PCDH9: variants seen among roughly 807,000 people sequenced by gnomAD.
PCDH9 encodes protocadherin 9.
A neutral mutation model predicts 70.6 loss-of-function variants in PCDH9; 24 were observed. The ratio of observed to expected loss-of-function variants is 0.34; its 90% CI spans 0.25 to 0.48. PCDH9 has a LOEUF of 0.48. PCDH9 is among the 20% of genes least tolerant of loss of function. The probability of loss-of-function intolerance (pLI) is 0.99; values close to 1 mark genes in which losing one functional copy is unlikely to be tolerated. For missense variants in PCDH9, 1,281 were observed against 1,503.6 expected (o/e 0.85, Z 2.45); for synonymous variants, 562 against 558.5 (o/e 1.01, Z -0.09).
chr13:66,759,248 T>A (rs2079584608), intron 3 of PCDH9, among the ~76,000 whole-genome samples: 1 of 152,076 alleles, frequency 6.6e-6, no homozygotes, highest in Admixed American at 6.6e-5. Flanking sequence ...ATGACCTTTG[T>A]TTCATTTTAC....
At chr13:66,333,832 G>A (rs1463482768) in intron 4 of PCDH9, among the ~76,000 whole-genome samples, 1 of 152,092 alleles carries the variant, frequency 6.6e-6, no homozygotes, top group African/African-American at 2.4e-5. Flanking sequence ...CAACTTGTTA[G>A]GCCATGGGAT....
chr13:66,881,168 A>T (rs892877474), intron 3 of PCDH9, among the ~76,000 whole-genome samples: 1 of 152,242 alleles, frequency 6.6e-6, no homozygotes, highest in Non-Finnish European at 1.5e-5. Flanking sequence ...GTGAAATATT[A>T]TAACTTGCAG....
At chr13:66,689,627 C>A (rs2139080239) in intron 3 of PCDH9, among the ~76,000 whole-genome samples, 1 of 152,238 alleles carries the variant, frequency 6.6e-6, no homozygotes, top group South Asian at 2.1e-4. Flanking sequence ...AATGAATTTC[C>A]ATTGACAGAG....
chr13:66,412,294 T>C (rs894738661), intron 4 of PCDH9, among the ~76,000 whole-genome samples: 1 of 152,206 alleles, frequency 6.6e-6, no homozygotes, highest in Non-Finnish European at 1.5e-5. Flanking sequence ...TCTAAGCAGC[T>C]GGGACTACAG....
chr13:66,457,714 G>A lies in PCDH9; in HGVS notation c.3341-152686C>T, dbSNP rs191604247. On this transcript the variant is annotated intron_variant, in intron 4 of 4. Coordinates refer to ENST00000377865, the MANE Select transcript of PCDH9 (RefSeq NM_203487.3). The stretch of plus-strand genomic sequence containing the variant: ...AATTACAGCAAAGTTGGCAACCACT[G>A]AGTTATGTTGGGTCATTTTTTATGT... Among the ~76,000 whole-genome samples the A allele has an allele frequency of 4.6e-3, 700 of 152,116 alleles. 5 individuals carry two copies. The highest frequency in any genetic ancestry group is 7.8e-3 in the Admixed American group (119 of 15,240).
intron 4 of PCDH9, among the ~76,000 whole-genome samples, chr13:66,533,133 G>C: frequency 6.6e-6 from 1 of 152,102 alleles, no homozygotes; most frequent in Non-Finnish European, 1.5e-5. Context: ...TGGCAGAAAA[G>C]CACAAAACTG....
intron 2 of PCDH9, among the ~76,000 whole-genome samples, chr13:66,946,695 G>A (rs1323914): frequency 3.5e-3 from 536 of 151,948 alleles, no homozygotes; most frequent in African/African-American, 0.012. Flanking sequence ...AGGCTTTATG[G>A]ATTTTATGGT....
intron 3 of PCDH9, among the ~76,000 whole-genome samples, chr13:66,798,132 T>G (rs1037347164): frequency 3.3e-5 from 5 of 152,124 alleles, no homozygotes; most frequent in Non-Finnish European, 7.4e-5. Context: ...CATTTTTTCT[T>G]GTTTTTCCAA....
intron 2 of PCDH9, among the ~76,000 whole-genome samples, chr13:67,138,038 A>G (rs2087278303): frequency 6.6e-6 from 1 of 152,122 alleles, no homozygotes; most frequent in African/African-American, 2.4e-5. Context: ...CTAAAGTGGT[A>G]TTTATAAGAA....
intron 2 of PCDH9, among the ~76,000 whole-genome samples, chr13:67,005,402 C>G (rs2084331259): frequency 6.6e-6 from 1 of 152,106 alleles, no homozygotes; most frequent in Non-Finnish European, 1.5e-5. Flanking sequence ...AAAAATAGAA[C>G]TAAGTAGGAT....
chr13:66,863,798 A>T (rs567978050), intron 3 of PCDH9, among the ~76,000 whole-genome samples: 51 of 152,212 alleles, frequency 3.4e-4, no homozygotes, highest in East Asian at 9.7e-4. Flanking sequence ...GTGACATGCA[A>T]AATTTCTAGG....
At chr13:67,135,625 T>G (rs1318478218) in intron 2 of PCDH9, among the ~76,000 whole-genome samples, 2 of 152,068 alleles carry the variant, frequency 1.3e-5, no homozygotes, top group Admixed American at 1.3e-4. Context: ...AATTAGTGGT[T>G]TATAAATAGC....
At chr13:66,784,643 A>C (rs1285443357) in intron 3 of PCDH9, among the ~76,000 whole-genome samples, 1 of 152,190 alleles carries the variant, frequency 6.6e-6, no homozygotes, top group Non-Finnish European at 1.5e-5. Flanking sequence ...TTTAATTCAC[A>C]CAACCATTTC....
chr13:66,542,773 A>G (rs1961020639), intron 4 of PCDH9, among the ~76,000 whole-genome samples: 1 of 147,124 alleles, frequency 6.8e-6, no homozygotes, highest in Admixed American at 6.8e-5. Context: ...ATATATTTAA[A>G]CATATATATA....
At chr13:66,776,494 T>G (rs9571668) in intron 3 of PCDH9, among the ~76,000 whole-genome samples, 1 of 149,566 alleles carries the variant, frequency 6.7e-6, no homozygotes, top group South Asian at 2.1e-4. Context: ...AACAGACAAA[T>G]AGAGAGCCAA....
intron 3 of PCDH9, among the ~76,000 whole-genome samples, chr13:66,696,414 A>G (rs1474898830): frequency 6.6e-6 from 1 of 152,228 alleles, no homozygotes; most frequent in Admixed American, 6.5e-5. Context: ...TTTTAGAAAG[A>G]ACATAAGGTA....
intron 2 of PCDH9, among the ~76,000 whole-genome samples, chr13:67,138,130 G>C (rs2087280924): frequency 6.6e-6 from 1 of 152,014 alleles, no homozygotes. Flanking sequence ...AAGTGGTTTT[G>C]AATTCTATCT....
intron 3 of PCDH9, among the ~76,000 whole-genome samples, chr13:66,740,476 G>C (rs1167745496): frequency 1.0e-4 from 13 of 126,172 alleles, no homozygotes; most frequent in African/African-American, 3.2e-4. Flanking sequence ...CAGAAGGCAA[G>C]AAATAACTAA....
chr13:67,136,824 G>T (rs2087243696), intron 2 of PCDH9, among the ~76,000 whole-genome samples: 1 of 151,842 alleles, frequency 6.6e-6, no homozygotes, highest in Non-Finnish European at 1.5e-5. Flanking sequence ...CAATCACTTG[G>T]ACATTAATTT....
Sources: gnomAD v4.1 joint callset for allele counts (sites outside exome capture counted in the v4.1 genomes callset) on GRCh38, gnomAD v4.1.1 for gene constraint, MANE v1.5 for transcripts, NCBI Gene and HGNC (gene_info 2026-07-23, HGNC 2026-07-21) for gene names.